Variants in NFATC1 observed in about 807,000 individuals in gnomAD.
NFATC1 encodes the protein nuclear factor of activated T cells 1, also known as nuclear factor of activated T-cells, cytoplasmic 1.
NFATC1 carries 22 observed loss-of-function variants against 76.0 expected under a neutral mutation model. That is an observed-to-expected ratio of 0.29 (90% CI 0.21 to 0.41). The LOEUF is 0.41. Among genes scored for constraint, NFATC1 ranks in the 10% least tolerant of loss-of-function variants. The pLI is 1.00. For synonymous variants in NFATC1, 704 were observed against 613.1 expected, an observed-to-expected ratio of 1.15 and a Z score of -2.19; for missense variants, 1,357 against 1,337.7, an observed-to-expected ratio of 1.01 and a Z score of -0.23.
intron 8 of NFATC1, among the ~76,000 whole-genome samples, chr18:79,474,289 C>T (rs367956378): frequency 1.4e-4 from 18 of 129,706 alleles, no homozygotes; most frequent in South Asian, 1.3e-3. Flanking sequence ...CGTGTTCTCA[C>T]GCTCACTGTC....
chr18:79,424,739 CTG>C lies in NFATC1; in HGVS notation c.1227-8836_1227-8835del, dbSNP rs1003474341. 3.2e-4 allele frequency among the ~76,000 whole-genome samples: 49 copies of C among 151,612 alleles called. 1 individual carries two copies. The highest frequency in any genetic ancestry group is 1.1e-3 in the African/African-American group (46 of 41,278). On this transcript the variant is annotated intron_variant, in intron 2 of 9. Coordinates refer to ENST00000427363, the MANE Select transcript of NFATC1 (RefSeq NM_001278669.2). ...TGTCTCTGTCTCTCTCCGTCTCTGTCTGTGTCTGTCCCTGTCTCTGTTTCTCT... is the reference window on the plus strand; with the variant it reads ...TGTCTCTGTCTCTCTCCGTCTCTGTCTGTCTGTCCCTGTCTCTGTTTCTCT...
chr18:79,412,902 A>C (rs531431280), intron 2 of NFATC1, among the ~76,000 whole-genome samples: 3 of 152,170 alleles, frequency 2.0e-5, no homozygotes, highest in Non-Finnish European at 4.4e-5. Flanking sequence ...TTTTTAATAC[A>C]TTAAGGTTTA....
At chr18:79,521,262 T>TGG (rs2090551522) in intron 9 of NFATC1, among the ~76,000 whole-genome samples, 1 of 47,732 alleles carries the variant, frequency 2.1e-5, no homozygotes, top group Non-Finnish European at 3.6e-5. Context: ...CATGTGTGTG[T>TGG]GGGGGCATCC....
Position 79,400,659 on chromosome 18 carries a change from C to T in NFATC1, c.127+4308C>T, listed in dbSNP as rs564445552. On this transcript the variant is annotated intron_variant, in intron 1 of 9. Transcript: ENST00000427363. ...GGCGTCCTGGGCTCGGATGCGGTTC[C>T]TCCGAGCGCTCGCGGCGGGGTCCTG... Among the ~76,000 whole-genome samples, 103 of 132,900 alleles carry T rather than the reference C, an allele frequency of 7.8e-4. 2 individuals carry two copies. In the South Asian group the frequency reaches 0.017, roughly 23 times the overall value. 87.2% of individuals were successfully genotyped at this position (132,900 alleles called of 152,430 possible).
In NFATC1 at chr18:79,410,645, T is replaced by A. The variant is rs1311905465; in HGVS notation, c.370T>A (p.Ser124Thr). The A allele has an allele frequency of 6.2e-7, 1 of 1,613,058 alleles. No homozygotes were observed. The highest frequency in any genetic ancestry group is 1.3e-5 in the African/African-American group (1 of 74,980). Residue 124 changes from serine (S) to threonine (T), a missense_variant, in exon 2 of 10, where the codon TCG becomes ACG. Ser to Thr is a moderately conservative substitution (Grantham distance 58). Transcript: ENST00000427363. This position sits in a 1 kb window ranked among gnomAD's most constrained non-coding sequence, Gnocchi z 6.7. ...ALESPRIEIT[S>T]CLGLYHNNNQ... ...GGAGAGTCCTCGCATCGAGATAACC[T>A]CGTGCTTGGGCCTGTACCACAACAA... is the stretch of plus-strand genomic sequence containing the variant.
At chr18:79,442,476 C>T (rs575481420) in intron 3 of NFATC1, among the ~76,000 whole-genome samples, 2 of 152,344 alleles carry the variant, frequency 1.3e-5, no homozygotes, top group East Asian at 3.9e-4. Context: ...TCTGGGCTTC[C>T]GGTTTGAATG....
intron 3 of NFATC1, among the ~76,000 whole-genome samples, chr18:79,438,164 G>T (rs1358974801): frequency 1.3e-5 from 2 of 152,236 alleles, no homozygotes; most frequent in African/African-American, 2.4e-5. Context: ...TGGTCACTCT[G>T]CCTTGCTTTC....
intron 6 of NFATC1, chr18:79,452,083 A>G (rs11873234): frequency 0.023 from 7,927 of 346,328 alleles, 463 homozygotes; most frequent in African/African-American, 0.14. Context: ...GCTGATACTC[A>G]GGGAGCCCAC....
At chr18:79,482,426 C>T (rs572587495) in intron 8 of NFATC1, among the ~76,000 whole-genome samples, 16 of 134,612 alleles carry the variant, frequency 1.2e-4, no homozygotes, top group African/African-American at 3.7e-4. Flanking sequence ...GTCATTCCAG[C>T]GTGACCTGGT....
At chr18:79,482,309 G>A (rs1322662471) in intron 8 of NFATC1, among the ~76,000 whole-genome samples, 33 of 126,922 alleles carry the variant, frequency 2.6e-4, no homozygotes, top group South Asian at 5.8e-4. Context: ...TAATTCCAGC[G>A]TGACCTGGTT....
rs1051978 is a variant in NFATC1, at chr18:79,410,477, C to A, written c.202C>A (p.Pro68Thr). 0.1 allele frequency: 164,118 copies of A among 1,612,290 alleles called. 9,767 individuals are homozygous for A. The highest frequency in any genetic ancestry group is 0.12 in the Admixed American group (7,206 of 60,010). ...LPTAHSTLPAPCHNLQTSTPG... is the reference protein window; with the variant it reads ...LPTAHSTLPATCHNLQTSTPG... ...CACGGCGCACTCCACCCTGCCGGCC[C>A]CGTGCCACAACCTTCAGACCTCCAC... is the stretch of plus-strand genomic sequence containing the variant. The change falls in exon 2 of 10, where the codon CCG (proline) becomes ACG (threonine). Residue 68 changes from proline (P) to threonine (T), a missense_variant. By Grantham distance (38) the Pro-to-Thr change is conservative (BLOSUM62 -1). This residue lies in a region of NFATC1 where 691 missense variants were observed against 613.1 expected (regional missense o/e 1.13). Transcript: ENST00000427363. The surrounding 1 kb of genome is among the most constrained non-coding windows in gnomAD (Gnocchi z 6.7).
At chr18:79,510,236 G>A (rs963416194) in intron 9 of NFATC1, among the ~76,000 whole-genome samples, 10 of 152,178 alleles carry the variant, frequency 6.6e-5, no homozygotes, top group African/African-American at 2.2e-4. Context: ...GCTGGGTCAT[G>A]CCCCCGTGCG....
intron 2 of NFATC1, among the ~76,000 whole-genome samples, chr18:79,432,528 C>T (rs1361886653): frequency 2.0e-5 from 3 of 152,260 alleles, no homozygotes; most frequent in Non-Finnish European, 2.9e-5. Context: ...CCTGCCTTGG[C>T]CCCTGCAGTA....
At chr18:79,467,783 G>A (rs2088590095) in intron 8 of NFATC1, 1 of 326,624 alleles carries the variant, frequency 3.1e-6, no homozygotes, top group Non-Finnish European at 4.0e-6. Context: ...CTTGATCCCT[G>A]TTGGGGGTGG....
At chr18:79,516,386 G>C (rs1434369015) in intron 9 of NFATC1, among the ~76,000 whole-genome samples, 1 of 152,232 alleles carries the variant, frequency 6.6e-6, no homozygotes, top group Non-Finnish European at 1.5e-5. Flanking sequence ...AATGAAACTT[G>C]AGAAGCTGTT....
intron 1 of NFATC1, among the ~76,000 whole-genome samples, chr18:79,397,930 G>A (rs904008520): frequency 6.6e-6 from 1 of 152,238 alleles, no homozygotes; most frequent in African/African-American, 2.4e-5. Flanking sequence ...TATTTTATGA[G>A]GGCTGCAGAA....
At chr18:79,459,635 T>G (rs974758972) in intron 6 of NFATC1, among the ~76,000 whole-genome samples, 21 of 152,200 alleles carry the variant, frequency 1.4e-4, no homozygotes, top group African/African-American at 5.1e-4. Flanking sequence ...CTGAGCTTCC[T>G]GGGCTGGGCG....
At chr18:79,485,140 C>G (rs1298959031) in intron 8 of NFATC1, among the ~76,000 whole-genome samples, 1 of 152,218 alleles carries the variant, frequency 6.6e-6, no homozygotes, top group Non-Finnish European at 1.5e-5. Flanking sequence ...ACATAGGCCC[C>G]CAGGTGGTGA....
chr18:79,463,865 G>A (rs1425136712), intron 7 of NFATC1, among the ~76,000 whole-genome samples: 2 of 152,266 alleles, frequency 1.3e-5, no homozygotes, highest in African/African-American at 2.4e-5. Context: ...CTGCCCAGCC[G>A]CTGGCCTGCC....
Sources: gnomAD v4.1 joint callset for allele counts (sites outside exome capture counted in the v4.1 genomes callset) on GRCh38, gnomAD v4.1.1 for gene constraint, gnomAD v4.1.1 regional missense constraint, Gnocchi (gnomAD v3.1) non-coding constraint, MANE v1.5 for transcripts, NCBI Gene and HGNC (gene_info 2026-07-23, HGNC 2026-07-21) for gene names.